CDON: variants seen among roughly 807,000 people sequenced by gnomAD.
The protein encoded by CDON is cell adhesion molecule-related/down-regulated by oncogenes.
Under a neutral mutation model 120.9 loss-of-function variants are expected in CDON, and 73 were observed. The observed-to-expected ratio is 0.60, with a 90% CI of 0.50 to 0.73. The LOEUF is 0.73. Ranked by LOEUF, CDON falls within the 30% of genes least tolerant of loss-of-function variation. The probability of loss-of-function intolerance (pLI) is 0.00; values close to 1 mark genes in which losing one functional copy is unlikely to be tolerated. For synonymous variants in CDON, 566 were observed against 573.5 expected (o/e 0.99, Z 0.19); for missense variants, 1,470 against 1,587.3 (o/e 0.93, Z 1.26).
intron 16 of CDON, among the ~76,000 whole-genome samples, chr11:125,983,572 C>T (rs1027573048): frequency 1.1e-4 from 16 of 152,142 alleles, no homozygotes; most frequent in Non-Finnish European, 1.5e-4. Flanking sequence ...TTCAAATATG[C>T]GTCCTCTTTG....
At chr11:125,970,853 A>C (rs1945961141) in intron 18 of CDON, among the ~76,000 whole-genome samples, 1 of 152,364 alleles carries the variant, frequency 6.6e-6, no homozygotes, top group East Asian at 1.9e-4. Context: ...CCATCTTAGA[A>C]GTACGAGACA....
chr11:126,057,178 T>C (rs928589362), intron 1 of CDON, among the ~76,000 whole-genome samples: 10 of 152,196 alleles, frequency 6.6e-5, no homozygotes, highest in Non-Finnish European at 1.5e-5. Context: ...GTCATGGTTG[T>C]TTTCCTAAGA....
Position 126,019,390 on chromosome 11 carries a change from C to T in CDON, c.496+229G>A, listed in dbSNP as rs547531675. ...ATTATTTTAGATAGGACCATGAGGG[C>T]TATCTTTTCCAAGGAAGTGAAATCT... On this transcript the variant is annotated intron_variant, in intron 4 of 19. Transcript: ENST00000531738. Among the ~76,000 whole-genome samples, 13 of 152,226 alleles carry T rather than the reference C, an allele frequency of 8.5e-5. No homozygotes were observed. In the East Asian group the frequency reaches 2.5e-3, roughly 29 times the overall value.
At chr11:125,983,198 A>G (rs1426726515) in intron 16 of CDON, among the ~76,000 whole-genome samples, 3 of 152,110 alleles carry the variant, frequency 2.0e-5, no homozygotes, top group East Asian at 1.9e-4. Context: ...TGATTTGATT[A>G]CCCTATTTTA....
chr11:126,056,927 A>G (rs770026328), intron 1 of CDON, among the ~76,000 whole-genome samples: 2 of 152,166 alleles, frequency 1.3e-5, no homozygotes, highest in Admixed American at 1.3e-4. Flanking sequence ...AGAATATTAT[A>G]CTAATGCTGG....
In CDON at chr11:125,960,908, T is replaced by G; in HGVS notation, c.*34A>C. On this transcript the variant is annotated 3_prime_UTR_variant, in exon 20 of 20. Transcript: ENST00000531738. ...GGCCTGTTGTGTGCAGTTACCGGCT[T>G]GAAGTTGGAACATGACTGGTTGTTT... The G allele has an allele frequency of 1.2e-6, 2 of 1,610,496 alleles. No homozygotes were observed. The highest frequency in any genetic ancestry group is 1.7e-6 in the Non-Finnish European group (2 of 1,177,446).
At chr11:126,037,477 A>G (rs1948131384) in intron 1 of CDON, among the ~76,000 whole-genome samples, 1 of 152,184 alleles carries the variant, frequency 6.6e-6, no homozygotes, top group Non-Finnish European at 1.5e-5. Context: ...GCAGTTTTTC[A>G]TTCATTTATA....
Position 125,994,381 on chromosome 11 carries a change from T to A in CDON, c.2553A>T (p.Pro851=). The change falls in exon 14 of 20, where the codon CCA becomes CCT. Residue 851 remains proline, a synonymous_variant. Coordinates refer to ENST00000531738, the MANE Select transcript of CDON (RefSeq NM_001378964.1). ...TQIMLKWTYI[P]SSNNNTPIQG... is the part of the protein sequence containing the mutation. The stretch of plus-strand genomic sequence containing the variant: ...GAATGGGAGTGTTATTGTTACTTGA[T>A]GGAATGTACTAAAAAACAGAAGCAA... 1 of 1,524,252 alleles carries A rather than the reference T, an allele frequency of 6.6e-7. No homozygotes were observed. Among genetic ancestry groups the A allele is most frequent in the Non-Finnish European group, 9.1e-7 (1 of 1,098,110 alleles). 94.4% of individuals were successfully genotyped at this position (1,524,252 alleles called of 1,614,324 possible).
chr11:125,990,689 G>A (rs1351423656), intron 14 of CDON, among the ~76,000 whole-genome samples: 4 of 152,202 alleles, frequency 2.6e-5, no homozygotes, highest in Non-Finnish European at 5.9e-5. Context: ...ACACATGCAA[G>A]TTAAATCTAC....
At chr11:126,054,714 A>G (rs1158850923) in intron 1 of CDON, among the ~76,000 whole-genome samples, 6 of 152,070 alleles carry the variant, frequency 3.9e-5, no homozygotes, top group Admixed American at 1.3e-4. Context: ...AGTTGAACAC[A>G]CTCGCTCACC....
At chr11:125,975,675 A>G (rs1318094727) in intron 18 of CDON, among the ~76,000 whole-genome samples, 1 of 152,210 alleles carries the variant, frequency 6.6e-6, no homozygotes, top group Non-Finnish European at 1.5e-5. Context: ...GACCTGCTGA[A>G]TGGGAAACTC....
chr11:125,991,628 T>A (rs1046235083), intron 14 of CDON, among the ~76,000 whole-genome samples: 5 of 152,226 alleles, frequency 3.3e-5, no homozygotes, highest in African/African-American at 4.8e-5. Flanking sequence ...GTTTAAATTT[T>A]GGGTCAATTC....
intron 16 of CDON, among the ~76,000 whole-genome samples, chr11:125,982,479 T>C (rs11220302): frequency 0.28 from 42,080 of 152,122 alleles, 6,212 homozygotes; most frequent in East Asian, 0.53. Flanking sequence ...CTCCTTTCCT[T>C]AGCTGCCCAC....
intron 1 of CDON, among the ~76,000 whole-genome samples, chr11:126,049,485 AG>A (rs1948500945): frequency 1.3e-5 from 2 of 152,188 alleles, no homozygotes; most frequent in African/African-American, 4.8e-5. Flanking sequence ...TCAACAGAGG[AG>A]GAGGAACATC....
At chr11:126,013,967 T>C (rs79378329) in intron 7 of CDON, among the ~76,000 whole-genome samples, 16,387 of 152,146 alleles carry the variant, frequency 0.11, 919 homozygotes, top group Admixed American at 0.13. Context: ...AGCATTTTCA[T>C]TATCATCCAG....
chr11:126,008,854 A>G (rs1258056719), intron 8 of CDON, among the ~76,000 whole-genome samples: 2 of 152,168 alleles, frequency 1.3e-5, no homozygotes, highest in Non-Finnish European at 1.5e-5. Context: ...ATCAGTAACT[A>G]TTTCTTCCTT....
chr11:125,956,935 C>G lies in CDON; in HGVS notation c.*4007G>C. On this transcript the variant is annotated 3_prime_UTR_variant, in exon 20 of 20. Coordinates refer to ENST00000531738, the MANE Select transcript of CDON (RefSeq NM_001378964.1). ...TTATTTAAATATGGGAAATAAAATACAAAAGGGCCACACCCGATGCAAAAG... is the reference window on the plus strand; with the variant it reads ...TTATTTAAATATGGGAAATAAAATAGAAAAGGGCCACACCCGATGCAAAAG... The G allele has an allele frequency of 1.2e-5, 10 of 847,512 alleles. No individual in the cohort carries two copies. Among genetic ancestry groups the G allele is most frequent in the Non-Finnish European group, 1.3e-5 (9 of 704,094 alleles). The allele number at this position is 847,512 out of a possible 1,614,324, so 52.5% of individuals were successfully genotyped here.
chr11:126,005,658 T>C, intron 9 of CDON, 101 bp downstream of exon 9: 1 of 1,108,640 alleles, frequency 9.0e-7, no homozygotes, highest in South Asian at 1.3e-5. Flanking sequence ...AAGACTCTTG[T>C]TCTGTTTCCT....
chr11:125,965,623 CCCTTGA>C (rs1945776243), intron 18 of CDON, among the ~76,000 whole-genome samples: 1 of 152,054 alleles, frequency 6.6e-6, no homozygotes, highest in Non-Finnish European at 1.5e-5. Context: ...TTAAGTGGGA[CCCTTGA>C]AGGGCTACAC....
Sources: allele counts gnomAD v4.1 joint callset (sites outside exome capture counted in the v4.1 genomes callset), GRCh38; gene constraint gnomAD v4.1.1; transcripts MANE v1.5; gene names NCBI Gene and HGNC (gene_info 2026-07-23, HGNC 2026-07-21).